DNAH12: variants seen among roughly 807,000 people sequenced by gnomAD.
DNAH12 encodes axonemal beta dynein heavy chain 12.
In DNAH12, 285 loss-of-function variants were observed where a neutral mutation model predicts 371.5. That is an observed-to-expected ratio of 0.77 (90% CI 0.70 to 0.85). The LOEUF (loss-of-function observed/expected upper bound fraction) is 0.85. DNAH12 is among the 40% of genes least tolerant of loss of function. The pLI is 0.00. For synonymous variants in DNAH12, 1,200 were observed against 1,213.0 expected (o/e 0.99, Z 0.22); for missense variants, 3,611 against 3,689.4 (o/e 0.98, Z 0.55).
At chr3:57,378,179 A>C (rs999121428) in intron 52 of DNAH12, among the ~76,000 whole-genome samples, 1 of 152,160 alleles carries the variant, frequency 6.6e-6, no homozygotes, top group Non-Finnish European at 1.5e-5. Flanking sequence ...TTGTATCAGA[A>C]TAAAAATGGC....
intron 13 of DNAH12, among the ~76,000 whole-genome samples, chr3:57,477,479 G>T (rs1239977457): frequency 1.3e-5 from 2 of 152,174 alleles, no homozygotes; most frequent in African/African-American, 4.8e-5. Context: ...GCCTGCCTCT[G>T]TAGACTCCAC....
At chr3:57,480,654 G>A (rs193234768) in intron 13 of DNAH12, among the ~76,000 whole-genome samples, 88 of 152,098 alleles carry the variant, frequency 5.8e-4, no homozygotes, top group African/African-American at 1.9e-3. Context: ...GATGAACGTC[G>A]ATGCAAAAAT....
intron 11 of DNAH12, among the ~76,000 whole-genome samples, chr3:57,500,958 T>C (rs1404199126): frequency 1.3e-5 from 2 of 152,044 alleles, no homozygotes; most frequent in Non-Finnish European, 2.9e-5. Flanking sequence ...ACAAAAAAAC[T>C]TTCGTAGAGA....
chr3:57,302,561 A>T (rs373458168), intron 69 of DNAH12, among the ~76,000 whole-genome samples: 2,604 of 45,070 alleles, frequency 0.058, 211 homozygotes, highest in Non-Finnish European at 0.074. Context: ...ATATATATAT[A>T]TATGTATTTT....
At chr3:57,326,003 T>C (rs2061934700) in intron 62 of DNAH12, among the ~76,000 whole-genome samples, 1 of 151,838 alleles carries the variant, frequency 6.6e-6, no homozygotes, top group Admixed American at 6.6e-5. Flanking sequence ...AAGGGAAGTT[T>C]AGAGAAAAAA....
At chr3:57,296,277 A>G (rs1259003857) in intron 72 of DNAH12, 67 bp downstream of exon 72, 3 of 1,260,496 alleles carry the variant, frequency 2.4e-6, no homozygotes, top group Non-Finnish European at 3.3e-6. Context: ...TTTTTAAGCA[A>G]CAGATTGCTT....
chr3:57,457,585 G>T, intron 22 of DNAH12, 136 bp downstream of exon 22: 1 of 980,252 alleles, frequency 1.0e-6, no homozygotes, highest in Non-Finnish European at 1.4e-6. Flanking sequence ...TATTAATAAT[G>T]TTAGAAACAA....
chr3:57,494,837 C>T (rs2153387124), intron 11 of DNAH12, among the ~76,000 whole-genome samples: 1 of 151,846 alleles, frequency 6.6e-6, no homozygotes, highest in South Asian at 2.1e-4. Flanking sequence ...GGTGAAACCC[C>T]TTCTTTACAA....
At chr3:57,297,429 C>T (rs1467091959) in intron 70 of DNAH12, 1 of 159,802 alleles carries the variant, frequency 6.3e-6, no homozygotes, top group Non-Finnish European at 1.4e-5. Flanking sequence ...GATCTTAGCT[C>T]ACTGCAGCCT....
rs1359142497 is a variant in DNAH12 at position 57,314,584 on chromosome 3, C to T, written c.10572G>A (p.Val3524=). The change falls in exon 66 of 74, where the codon GTG becomes GTA. Residue 3524 remains valine, a synonymous_variant. Coordinates refer to ENST00000495027, the MANE Select transcript of DNAH12 (RefSeq NM_001366028.2). The stretch of plus-strand genomic sequence containing the variant: ...GAGGACCAAATTTCTTTCTCTCTTG[C>T]ACAAGGGCATGAAAAAAACAAACTC... ...LFGVCFFHAL[V]QERKKFGPLG... 6.4e-7 allele frequency: 1 copy of T among 1,550,834 alleles called. No individual in the cohort carries two copies. The highest frequency in any genetic ancestry group is 8.7e-7 in the Non-Finnish European group (1 of 1,146,830).
At chr3:57,454,480 C>CAA (rs5849208) in intron 23 of DNAH12, among the ~76,000 whole-genome samples, 4,903 of 122,082 alleles carry the variant, frequency 0.04, 111 homozygotes, top group Admixed American at 0.095. Context: ...AACTACATCT[C>CAA]AAAAAAAAAA....
chr3:57,535,490 G>C (rs2069001036), intron 2 of DNAH12, among the ~76,000 whole-genome samples: 1 of 152,072 alleles, frequency 6.6e-6, no homozygotes, highest in South Asian at 2.1e-4. Context: ...GAACTTCCCA[G>C]TCTCTAGAAC....
intron 40 of DNAH12, among the ~76,000 whole-genome samples, chr3:57,406,857 G>A (rs903633364): frequency 2.0e-5 from 3 of 152,062 alleles, no homozygotes; most frequent in Non-Finnish European, 2.9e-5. Flanking sequence ...AAAGGAAGGT[G>A]AATTAAGCCT....
At chr3:57,548,239 G>A (rs2069594075), upstream of DNAH12, among the ~76,000 whole-genome samples, 2 of 152,116 alleles carry the variant, frequency 1.3e-5, no homozygotes, top group African/African-American at 4.8e-5. Context: ...TAAATGTAAT[G>A]CAAAGGTTTC....
At chr3:57,322,244 A>T in intron 65 of DNAH12, 99 bp downstream of exon 65, 2 of 1,256,458 alleles carry the variant, frequency 1.6e-6, no homozygotes, top group Non-Finnish European at 2.1e-6. Context: ...TAAAAACATT[A>T]AATAAAAATG....
chr3:57,531,433 TTCTTTA>T (rs1403988574), intron 2 of DNAH12, among the ~76,000 whole-genome samples: 3 of 151,994 alleles, frequency 2.0e-5, no homozygotes, highest in Non-Finnish European at 4.4e-5. Context: ...TTAGGATCCT[TTCTTTA>T]TCTTTGAGCT....
At chr3:57,480,346 A>G (rs1458648614) in intron 13 of DNAH12, among the ~76,000 whole-genome samples, 1 of 152,140 alleles carries the variant, frequency 6.6e-6, no homozygotes, top group African/African-American at 2.4e-5. Flanking sequence ...TCCTCGACAC[A>G]TACACCCTCC....
At chr3:57,532,641 G>C (rs1242279328) in intron 2 of DNAH12, among the ~76,000 whole-genome samples, 1 of 152,220 alleles carries the variant, frequency 6.6e-6, no homozygotes, top group Non-Finnish European at 1.5e-5. Context: ...TGGATTACCA[G>C]ACAGAAACTC....
chr3:57,500,556 C>T (rs1248423544), intron 11 of DNAH12, among the ~76,000 whole-genome samples: 1 of 152,026 alleles, frequency 6.6e-6, no homozygotes, highest in East Asian at 1.9e-4. Context: ...CTCTGAACAC[C>T]CTGGTTCATG....
Sources: gnomAD v4.1 joint callset for allele counts (sites outside exome capture counted in the v4.1 genomes callset) on GRCh38, gnomAD v4.1.1 for gene constraint, MANE v1.5 for transcripts, NCBI Gene and HGNC (gene_info 2026-07-23, HGNC 2026-07-21) for gene names.